Variants in SNED1 observed in about 807,000 individuals in gnomAD.
The protein encoded by SNED1 is sushi, nidogen and EGF like domains 1, also known as sushi, nidogen and EGF-like domain-containing protein 1.
Under a neutral mutation model 166.7 loss-of-function variants are expected in SNED1, and 81 were observed. The ratio of observed to expected loss-of-function variants is 0.49; its 90% CI spans 0.41 to 0.58. SNED1 has a LOEUF of 0.58. SNED1 is among the 20% of genes least tolerant of loss of function. The pLI, the probability that SNED1 is intolerant of heterozygous loss-of-function variation, is 0.00. For synonymous variants in SNED1, 762 were observed against 822.0 expected (o/e 0.93, Z 1.25); for missense variants, 1,604 against 2,000.2 (o/e 0.80, Z 3.78).
In SNED1 at chr2:241,048,362, G is replaced by C; in HGVS notation, c.1321G>C (p.Gly441Arg). ...DACLSAPCHN[G>R]GTCVDADQGY... Reference sequence around the variant, plus strand: ...CTGCCTCTCGGCCCCTTGCCACAATGGGGGCACCTGTGTGGATGCGGACCA... The same window carrying C: ...CTGCCTCTCGGCCCCTTGCCACAATCGGGGCACCTGTGTGGATGCGGACCA... The change falls in exon 9 of 32, where the codon GGG becomes CGG. Residue 441 changes from glycine (G) to arginine (R), a missense_variant. Gly to Arg is a moderately radical substitution (Grantham distance 125, BLOSUM62 -2). Around this residue, in one of 2 missense-constraint regions of SNED1, gnomAD observed 1,237 missense variants for 1,620.8 expected, o/e 0.76. Coordinates refer to ENST00000310397, the MANE Select transcript of SNED1 (RefSeq NM_001080437.3). 6 of 1,611,494 alleles carry C rather than the reference G, an allele frequency of 3.7e-6. No individual in the cohort carries two copies. Among genetic ancestry groups the C allele is most frequent in the Non-Finnish European group, 4.2e-6 (5 of 1,178,942 alleles).
Position 241,017,672 on chromosome 2 carries a change from C to T in SNED1, c.214-12612C>T, listed in dbSNP as rs554639998. Among the ~76,000 whole-genome samples, 198 of 152,338 alleles carry T rather than the reference C, an allele frequency of 1.3e-3. 1 individual carries two copies. Among genetic ancestry groups the T allele is most frequent in the Non-Finnish European group, 2.1e-3 (143 of 68,036 alleles). On this transcript the variant is annotated intron_variant, in intron 1 of 31. Transcript: ENST00000310397. ...ATACCAGTATACGCCATGCCAGCAGCCAGAACCAAATCCTTCTGATCTCCT... is the reference window on the plus strand; with the variant it reads ...ATACCAGTATACGCCATGCCAGCAGTCAGAACCAAATCCTTCTGATCTCCT...
intron 1 of SNED1, among the ~76,000 whole-genome samples, chr2:241,030,049 A>G (rs1291287552): frequency 6.6e-6 from 1 of 152,250 alleles, no homozygotes; most frequent in Non-Finnish European, 1.5e-5. Flanking sequence ...GGCATCGGGT[A>G]CTGCACACAG....
chr2:241,062,762 T>C (rs1559282131), intron 16 of SNED1, 29 bp from the exon 17 acceptor site: 2 of 1,509,058 alleles, frequency 1.3e-6, no homozygotes, highest in Non-Finnish European at 1.8e-6. Context: ...GTGGCCACAT[T>C]GCTTTATTCT....
Position 241,051,034 on chromosome 2 carries a change from G to C in SNED1, c.1736-710G>C, listed in dbSNP as rs13387356. Among the ~76,000 whole-genome samples the C allele has an allele frequency of 0.015, 2,295 of 152,328 alleles. 69 individuals carry two copies. The highest frequency in any genetic ancestry group is 0.051 in the African/African-American group (2,125 of 41,556). On this transcript the variant is annotated intron_variant, in intron 12 of 31. Coordinates refer to ENST00000310397, the MANE Select transcript of SNED1 (RefSeq NM_001080437.3). This position sits in a 1 kb window ranked among gnomAD's most constrained non-coding sequence, Gnocchi z 4.7. The stretch of plus-strand genomic sequence containing the variant: ...GGGACAAGGATGGCTGTCCTCAGGG[G>C]TGGGGCAGCCAGAGCTTGGACCTGC...
At chr2:241,090,546 C>A in intron 31 of SNED1, 3 of 1,346,490 alleles carry the variant, frequency 2.2e-6, no homozygotes, top group Non-Finnish European at 3.0e-6. Context: ...ATGTGCTAGA[C>A]TTCTATACAC....
chr2:241,038,042 C>T (rs1006280608), intron 6 of SNED1, among the ~76,000 whole-genome samples: 6 of 151,428 alleles, frequency 4.0e-5, no homozygotes, highest in Admixed American at 6.6e-5. Context: ...CACCCATGCC[C>T]TTCACCCACC....
At position 241,049,704 on chromosome 2, in the gene SNED1, G is replaced by T. The variant is rs909483097; in HGVS notation, c.1619-113G>T. 9 of 727,146 alleles carry T rather than the reference G, an allele frequency of 1.2e-5. No individual in the cohort carries two copies. The African/African-American group carries it at 1.4e-4, about 11-fold the overall frequency. 45.0% of individuals were successfully genotyped at this position (727,146 alleles called of 1,614,324 possible). A position where few individuals can be genotyped will look rare whatever the true frequency, so the allele number is the denominator to read the frequency against. ...CACAGAGTGTATTTTCAGTGGCCTT[G>T]GTTCCAGACAGGATGTCAGGGTAAC... On this transcript the variant is annotated intron_variant, in intron 11 of 31. Transcript: ENST00000310397.
At chr2:241,042,584 A>T (rs1166165978) in intron 8 of SNED1, among the ~76,000 whole-genome samples, 3 of 152,248 alleles carry the variant, frequency 2.0e-5, no homozygotes, top group Non-Finnish European at 4.4e-5. Context: ...GAAATGACAG[A>T]ATTAGCAGAT....
chr2:241,053,683 T>C (rs2061950356), intron 16 of SNED1, among the ~76,000 whole-genome samples: 1 of 152,168 alleles, frequency 6.6e-6, no homozygotes, highest in Non-Finnish European at 1.5e-5. Flanking sequence ...TACCTCTTAC[T>C]CCTGGCCCCT....
chr2:241,039,317 A>G (rs1291680489), intron 6 of SNED1, among the ~76,000 whole-genome samples: 3 of 152,104 alleles, frequency 2.0e-5, no homozygotes, highest in Non-Finnish European at 4.4e-5. Flanking sequence ...TCTCCTTCCT[A>G]TGCCAAAGAG....
chr2:241,092,509 C>T lies in SNED1; in HGVS notation c.*873C>T, dbSNP rs2064096502. 6.6e-6 allele frequency: 1 copy of T among 152,118 alleles called. No homozygotes were observed. Among genetic ancestry groups the T allele is most frequent in the Non-Finnish European group, 1.5e-5 (1 of 68,036 alleles). The allele number at this position is 152,118 out of a possible 1,614,324, so 9.4% of individuals were successfully genotyped here. On this transcript the variant is annotated 3_prime_UTR_variant, in exon 32 of 32. Transcript: ENST00000310397. This position sits in a 1 kb window ranked among gnomAD's most constrained non-coding sequence, Gnocchi z 4.6. Reference sequence around the variant, plus strand: ...AGATCACCTAGGCTTCAGCCTTAAACAGTGGAAGCCATCCCCTGAATGACA... The same window carrying T: ...AGATCACCTAGGCTTCAGCCTTAAATAGTGGAAGCCATCCCCTGAATGACA...
intron 1 of SNED1, among the ~76,000 whole-genome samples, chr2:241,017,857 A>G (rs182693873): frequency 1.5e-4 from 23 of 152,304 alleles, no homozygotes; most frequent in African/African-American, 5.1e-4. Flanking sequence ...CCTGGCTGTT[A>G]TCCCTGTGGC....
chr2:241,030,568 C>G lies in SNED1; in HGVS notation c.498C>G (p.Ser166=), dbSNP rs771134102. Residue 166 remains serine, a synonymous_variant, in exon 2 of 32, where the codon TCC becomes TCG. Transcript: ENST00000310397. ...CCTTCTTTGGAGGCAGTTCCTCATC[C>G]CCTGTGAGTCCAGGCACTTGTCCTG... The part of the protein sequence containing the change: ...RVTFFGGSSS[S]PVNTFQTVLI... 5.0e-6 allele frequency: 8 copies of G among 1,613,432 alleles called. No individual in the cohort carries two copies. The South Asian group carries it at 5.5e-5, about 11-fold the overall frequency.
rs2064211603 is a variant in SNED1 at position 241,093,909 on chromosome 2, T to C, written c.*2273T>C. On this transcript the variant is annotated 3_prime_UTR_variant, in exon 32 of 32. Transcript: ENST00000310397. ...GAGCATAAAGATTTCTGTATCAAAA[T>C]GAAAGAAGCAATCCTGAGTTGCTGA... is the stretch of plus-strand genomic sequence containing the variant. 6.5e-6 allele frequency: 1 copy of C among 153,274 alleles called. No individual in the cohort carries two copies. The allele number at this position is 153,274 out of a possible 1,614,324, so 9.5% of individuals were successfully genotyped here.
At position 241,087,922 on chromosome 2, in the gene SNED1, G is replaced by A. The variant is rs2063668801; in HGVS notation, c.4206-443G>A. The A allele has an allele frequency of 9.6e-6, 4 of 415,366 alleles. No individual in the cohort carries two copies. In the South Asian group the frequency reaches 3.7e-4, roughly 39 times the overall value. 25.7% of individuals were successfully genotyped at this position (415,366 alleles called of 1,614,324 possible). ...AAAGAAGTACGTGAGAATATTATAT[G>A]CTTTAGAAACCACAGAGTCGAAGCC... is the stretch of plus-strand genomic sequence containing the variant. On this transcript the variant is annotated intron_variant, in intron 30 of 31. Transcript: ENST00000310397.
chr2:241,073,468 C>A lies in SNED1; in HGVS notation c.3916+104C>A. The A allele has an allele frequency of 1.1e-6, 1 of 949,072 alleles. No individual in the cohort carries two copies. The highest frequency in any genetic ancestry group is 1.7e-6 in the Non-Finnish European group (1 of 599,628). 58.8% of individuals were successfully genotyped at this position (949,072 alleles called of 1,614,324 possible). ...CCACCCACGGTGAGGAATCAGGAGG[C>A]ACAGAGCCTACCTGAGGGGAGGCTG... On this transcript the variant is annotated intron_variant, in intron 27 of 31. Coordinates refer to ENST00000310397, the MANE Select transcript of SNED1 (RefSeq NM_001080437.3). The surrounding 1 kb of genome is among the most constrained non-coding windows in gnomAD (Gnocchi z 6.6).
In SNED1 at chr2:241,094,352, A is replaced by C. The variant is rs1396336110; in HGVS notation, c.*2716A>C. The C allele has an allele frequency of 2.1e-6, 1 of 470,650 alleles. No individual in the cohort carries two copies. Among genetic ancestry groups the C allele is most frequent in the Non-Finnish European group, 4.4e-6 (1 of 226,960 alleles). 29.2% of individuals were successfully genotyped at this position (470,650 alleles called of 1,614,324 possible). ...ACTGCCATCTGACTCAACTGTGGCG[A>C]TGTGGACGGAGTCACCGAGCTGCTT... On this transcript the variant is annotated 3_prime_UTR_variant, in exon 32 of 32. Coordinates refer to ENST00000310397, the MANE Select transcript of SNED1 (RefSeq NM_001080437.3). The surrounding 1 kb of genome is among the most constrained non-coding windows in gnomAD (Gnocchi z 4.3).
chr2:241,090,078 C>A, intron 31 of SNED1: 1 of 1,509,890 alleles, frequency 6.6e-7, no homozygotes, highest in Non-Finnish European at 8.8e-7. Context: ...CTTACTGTAA[C>A]TTTTTTACTT....
At chr2:241,085,691 C>T (rs749517228) in intron 29 of SNED1, among the ~76,000 whole-genome samples, 7 of 150,968 alleles carry the variant, frequency 4.6e-5, no homozygotes, top group South Asian at 2.1e-4. Flanking sequence ...ATGTTACTGA[C>T]GCTGGATTTG....
Sources: allele counts gnomAD v4.1 joint callset (sites outside exome capture counted in the v4.1 genomes callset), GRCh38; gene constraint gnomAD v4.1.1; regional missense constraint gnomAD v4.1.1; non-coding constraint Gnocchi (gnomAD v3.1); transcripts MANE v1.5; gene names NCBI Gene and HGNC (gene_info 2026-07-23, HGNC 2026-07-21).